Variants in VRK1 observed in about 807,000 individuals in gnomAD.
The protein encoded by VRK1 is VRK serine/threonine kinase 1.
A neutral mutation model predicts 57.1 loss-of-function variants in VRK1; 33 were observed. That is an observed-to-expected ratio of 0.58 (90% CI 0.44 to 0.77). VRK1 has a LOEUF of 0.77. Ranked by LOEUF, VRK1 falls within the 30% of genes least tolerant of loss-of-function variation. The pLI, the probability that VRK1 is intolerant of heterozygous loss-of-function variation, is 0.00. For missense variants in VRK1, 413 were observed against 477.3 expected (o/e 0.87, Z 1.25); for synonymous variants, 137 against 147.8 (o/e 0.93, Z 0.53).
intron 1 of VRK1, among the ~76,000 whole-genome samples, chr14:96,810,022 G>T (rs865819616): frequency 4.7e-4 from 71 of 152,230 alleles, no homozygotes; most frequent in African/African-American, 1.5e-3. Flanking sequence ...TTAATCACTA[G>T]TGGCTGTATA....
intron 3 of VRK1, among the ~76,000 whole-genome samples, chr14:96,845,186 T>G (rs1887631154): frequency 7.6e-6 from 1 of 132,300 alleles, no homozygotes; most frequent in Admixed American, 8.3e-5. Context: ...AGCTTCCTCA[T>G]TTGAAGTTTT....
At chr14:96,880,264 C>T (rs1204999363) in intron 12 of VRK1, among the ~76,000 whole-genome samples, 1 of 152,168 alleles carries the variant, frequency 6.6e-6, no homozygotes, top group Non-Finnish European at 1.5e-5. Flanking sequence ...AATTTTGTTC[C>T]ACATTCAAAG....
intron 1 of VRK1, among the ~76,000 whole-genome samples, chr14:96,817,694 G>T: frequency 6.6e-6 from 1 of 152,158 alleles, no homozygotes; most frequent in East Asian, 1.9e-4. Flanking sequence ...AGAATTAATT[G>T]TAAAAGTTTG....
intron 10 of VRK1, among the ~76,000 whole-genome samples, chr14:96,860,247 C>A (rs1888331487): frequency 6.6e-6 from 1 of 151,876 alleles, no homozygotes; most frequent in South Asian, 2.1e-4. Context: ...TATTCTAGAT[C>A]CCTTTGTATT....
At chr14:96,804,277 A>T (rs1395150029) in intron 1 of VRK1, among the ~76,000 whole-genome samples, 1 of 152,170 alleles carries the variant, frequency 6.6e-6, no homozygotes, top group Non-Finnish European at 1.5e-5. Context: ...TGAAAAGTCT[A>T]CCCTTTCTCC....
intron 8 of VRK1, 147 bp from the exon 9 acceptor site, chr14:96,855,983 C>G: frequency 1.1e-6 from 1 of 880,658 alleles, no homozygotes; most frequent in Non-Finnish European, 1.7e-6. Flanking sequence ...GTCCAATGTT[C>G]AGTACCTAGG....
At chr14:96,869,623 A>G (rs900901446) in intron 11 of VRK1, among the ~76,000 whole-genome samples, 5 of 152,242 alleles carry the variant, frequency 3.3e-5, no homozygotes, top group African/African-American at 1.2e-4. Context: ...TTAAATAAGT[A>G]AAATATAGCT....
At chr14:96,799,488 A>G (rs752218159) in intron 1 of VRK1, among the ~76,000 whole-genome samples, 7 of 152,258 alleles carry the variant, frequency 4.6e-5, no homozygotes, top group Admixed American at 2.0e-4. Flanking sequence ...GATTAGGATT[A>G]TGATTTGAAA....
chr14:96,800,876 CAAATT>C (rs1885632736), intron 1 of VRK1, among the ~76,000 whole-genome samples: 1 of 151,638 alleles, frequency 6.6e-6, no homozygotes, highest in African/African-American at 2.4e-5. Context: ...CAAGCACAAG[CAAATT>C]AAATTTGAGA....
At chr14:96,858,240 C>T (rs12434558) in intron 10 of VRK1, among the ~76,000 whole-genome samples, 24,586 of 151,874 alleles carry the variant, frequency 0.16, 3,455 homozygotes, top group East Asian at 0.82. Flanking sequence ...TACAGGCACA[C>T]GCCACCACAC....
chr14:96,851,280 A>G (rs1427875986), intron 5 of VRK1, among the ~76,000 whole-genome samples: 1 of 151,988 alleles, frequency 6.6e-6, no homozygotes, highest in Non-Finnish European at 1.5e-5. Context: ...TGCTGGAATT[A>G]CAGGTTCCTG....
chr14:96,875,801 C>A (rs575526293), intron 11 of VRK1, among the ~76,000 whole-genome samples: 1 of 152,268 alleles, frequency 6.6e-6, no homozygotes, highest in South Asian at 2.1e-4. Flanking sequence ...AATATATCTA[C>A]CATCTGGGTT....
intron 12 of VRK1, among the ~76,000 whole-genome samples, chr14:96,880,278 GT>G (rs1340430698): frequency 6.6e-6 from 1 of 152,176 alleles, no homozygotes; most frequent in Admixed American, 6.5e-5. Context: ...TTCAAAGAAT[GT>G]TTCGTACTTT....
rs780365182 is a variant in VRK1, at chr14:96,856,670, G to C, written c.889+84G>C. Reference sequence around the variant, plus strand: ...TGATATCCATGGAATAGCCCTTAATGTAAGATGTTAGGTGGTGGCCAGGCA... The same window carrying C: ...TGATATCCATGGAATAGCCCTTAATCTAAGATGTTAGGTGGTGGCCAGGCA... On this transcript the variant is annotated intron_variant, in intron 10 of 12. Coordinates refer to ENST00000216639, the MANE Select transcript of VRK1 (RefSeq NM_003384.3). The C allele has an allele frequency of 1.9e-4, 240 of 1,239,658 alleles. 1 individual carries two copies. The South Asian group carries it at 2.9e-3, about 15-fold the overall frequency. 76.8% of individuals were successfully genotyped at this position (1,239,658 alleles called of 1,614,324 possible).
At chr14:96,846,821 A>G (rs79220945) in intron 4 of VRK1, among the ~76,000 whole-genome samples, 4,269 of 152,184 alleles carry the variant, frequency 0.028, 199 homozygotes, top group African/African-American at 0.098. Flanking sequence ...ATTGTATTAC[A>G]TATTATAAGT....
Position 96,797,444 on chromosome 14 carries a change from T to A in VRK1, c.-9T>A, listed in dbSNP as rs1885472856. ...GGCAGAACGCGACGGGTCTGCGGCT[T>A]AGGGTAGGGAGGCCGCAGGCGACAC... On this transcript the variant is annotated 5_prime_UTR_variant, in exon 1 of 13. Coordinates refer to ENST00000216639, the MANE Select transcript of VRK1 (RefSeq NM_003384.3). The A allele has an allele frequency of 1.3e-5, 2 of 151,776 alleles. No individual in the cohort carries two copies. The highest frequency in any genetic ancestry group is 4.1e-4 in the South Asian group (2 of 4,820). 9.4% of individuals were successfully genotyped at this position (151,776 alleles called of 1,614,324 possible).
chr14:96,836,690 G>A (rs1212130490), intron 2 of VRK1, among the ~76,000 whole-genome samples: 2 of 151,764 alleles, frequency 1.3e-5, no homozygotes, highest in Non-Finnish European at 2.9e-5. Flanking sequence ...ACCATGCCCG[G>A]CTAATTTTTG....
At chr14:96,822,828 G>T (rs1346014873) in intron 1 of VRK1, among the ~76,000 whole-genome samples, 1 of 152,182 alleles carries the variant, frequency 6.6e-6, no homozygotes, top group Admixed American at 6.5e-5. Flanking sequence ...AGTCCTGACA[G>T]TAGCCTTCAA....
At position 96,853,150 on chromosome 14, in the gene VRK1, A is replaced by G. The variant is rs769507445; in HGVS notation, c.560A>G (p.Tyr187Cys). The change falls in exon 7 of 13, where the codon TAC becomes TGC. Residue 187 changes from tyrosine to cysteine, a missense_variant. By Grantham distance (194) the Tyr-to-Cys change is radical (BLOSUM62 -2). Coordinates refer to ENST00000216639, the MANE Select transcript of VRK1 (RefSeq NM_003384.3). ...DIKASNLLLN[Y>C]KNPDQVYLVD... ...AAGGCCTCAAATCTTCTTCTGAACT[A>G]CAAGAATCCTGACCAGGTAGTTTTA... 99 of 1,613,492 alleles carry G rather than the reference A, an allele frequency of 6.1e-5. No homozygotes were observed. Among genetic ancestry groups the G allele is most frequent in the Non-Finnish European group, 8.3e-5 (98 of 1,179,698 alleles).
Sources: gnomAD v4.1 joint callset for allele counts (sites outside exome capture counted in the v4.1 genomes callset) on GRCh38, gnomAD v4.1.1 for gene constraint, MANE v1.5 for transcripts, NCBI Gene and HGNC (gene_info 2026-07-23, HGNC 2026-07-21) for gene names.